ESR2: variants seen among roughly 807,000 people sequenced by gnomAD.
The protein encoded by ESR2 is estrogen receptor 2, also known as estrogen receptor beta.
A neutral mutation model predicts 49.6 loss-of-function variants in ESR2; 36 were observed. That is an observed-to-expected ratio of 0.73 (90% CI 0.56 to 0.96). The LOEUF is 0.96. Ranked by LOEUF, ESR2 falls within the 40% of genes least tolerant of loss-of-function variation. The pLI, the probability that ESR2 is intolerant of heterozygous loss-of-function variation, is 0.00. For missense variants in ESR2, 714 were observed against 693.0 expected, an observed-to-expected ratio of 1.03 and a Z score of -0.34; for synonymous variants, 320 against 266.1, an observed-to-expected ratio of 1.20 and a Z score of -1.97.
chr14:64,297,013 G>A (rs1252389972), upstream of ESR2, among the ~76,000 whole-genome samples: 1 of 152,128 alleles, frequency 6.6e-6, no homozygotes, highest in Non-Finnish European at 1.5e-5. Context: ...CCAATGGCTA[G>A]ACCAAAAAGC....
At chr14:64,312,820 A>G (rs2077200910) in intron 1 of ESR2, among the ~76,000 whole-genome samples, 5 of 151,878 alleles carry the variant, frequency 3.3e-5, no homozygotes, top group Admixed American at 2.6e-4. Flanking sequence ...AAGGCAGGAG[A>G]ATCACTTGAA....
intron 1 of ESR2, among the ~76,000 whole-genome samples, chr14:64,321,442 G>A (rs2077323229): frequency 6.6e-6 from 1 of 152,064 alleles, no homozygotes; most frequent in South Asian, 2.1e-4. Flanking sequence ...TTTATGGCAT[G>A]TAAATATCCC....
At chr14:64,287,896 T>C (rs928381667) in intron 1 of ESR2, among the ~76,000 whole-genome samples, 5 of 152,196 alleles carry the variant, frequency 3.3e-5, no homozygotes, top group Non-Finnish European at 7.3e-5. Flanking sequence ...AATGTTCTGG[T>C]ACAACAGGAA....
intron 7 of ESR2, among the ~76,000 whole-genome samples, chr14:64,247,100 G>A (rs925531879): frequency 4.6e-5 from 7 of 152,072 alleles, no homozygotes; most frequent in Non-Finnish European, 7.4e-5. Context: ...GCTAATGTAT[G>A]GTCTGTTGCC....
upstream of ESR2, among the ~76,000 whole-genome samples, chr14:64,297,970 A>C (rs1377434965): frequency 6.6e-6 from 1 of 152,204 alleles, no homozygotes; most frequent in African/African-American, 2.4e-5. Context: ...AAAACCCTAC[A>C]CTTATGGAAT....
chr14:64,294,099 G>A lies in ESR2; in HGVS notation c.-157C>T, dbSNP rs1040865369. ...GACACGTGCTTTTCCCGCATTAGGG[G>A]GGGTCTCCCGGCGCGCGCCCCGCCG... On this transcript the variant is annotated 5_prime_UTR_variant, in exon 1 of 9. Transcript: ENST00000341099. 6.6e-6 allele frequency: 1 copy of A among 152,352 alleles called. No individual in the cohort carries two copies. Among genetic ancestry groups the A allele is most frequent in the African/African-American group, 2.4e-5 (1 of 41,470 alleles). The allele number at this position is 152,352 out of a possible 1,614,324, so 9.4% of individuals were successfully genotyped here. A position where few individuals can be genotyped will look rare whatever the true frequency, so the allele number is the denominator to read the frequency against.
intron 8 of ESR2, chr14:64,233,687 C>G: frequency 4.5e-6 from 1 of 220,990 alleles, no homozygotes; most frequent in Non-Finnish European, 9.1e-6. Context: ...TCTTCATCAG[C>G]TGATCAATAC....
At chr14:64,260,283 G>C in intron 5 of ESR2, 166 bp downstream of exon 5, 2 of 803,284 alleles carry the variant, frequency 2.5e-6, no homozygotes, top group Middle Eastern at 2.2e-4. Context: ...GGTATGCCAA[G>C]ACAGAAGGAA....
chr14:64,260,521 T>A lies in ESR2; in HGVS notation c.880A>T (p.Met294Leu). The change falls in exon 5 of 9, where the codon ATG (methionine) becomes TTG (leucine). Residue 294 changes from methionine (M) to leucine (L), a missense_variant. Physicochemically the swap from Met to Leu is conservative, Grantham distance 15. Coordinates refer to ENST00000341099, the MANE Select transcript of ESR2 (RefSeq NM_001437.3). Reference sequence around the variant, plus strand: ...GCCAACTTGGTCAGGGACATCATCATGGAGGCCTCGGTGAAGGGCGCACTG... The same window carrying A: ...GCCAACTTGGTCAGGGACATCATCAAGGAGGCCTCGGTGAAGGGCGCACTG... Reference protein sequence around the residue: ...RPSAPFTEASMMMSLTKLADK... With the variant: ...RPSAPFTEASLMMSLTKLADK... The A allele has an allele frequency of 6.4e-7, 1 of 1,556,144 alleles. No homozygotes were observed. Among genetic ancestry groups the A allele is most frequent in the Non-Finnish European group, 8.7e-7 (1 of 1,150,938 alleles).
At chr14:64,288,281 CAAT>C (rs1262245860) in intron 1 of ESR2, among the ~76,000 whole-genome samples, 1 of 149,624 alleles carries the variant, frequency 6.7e-6, no homozygotes, top group Non-Finnish European at 1.5e-5. Context: ...CCAATTTTGA[CAAT>C]GATTCATGGA....
chr14:64,231,110 A>C lies in ESR2; in HGVS notation c.*2027T>G, dbSNP rs1152576. On this transcript the variant is annotated 3_prime_UTR_variant, in exon 9 of 9. Coordinates refer to ENST00000341099, the MANE Select transcript of ESR2 (RefSeq NM_001437.3). ...TGTTGCCCAGCCTGGAGTCAAACTCATGGGCTCAAGTGGTTCGCCCACCTC... is the reference window on the plus strand; with the variant it reads ...TGTTGCCCAGCCTGGAGTCAAACTCCTGGGCTCAAGTGGTTCGCCCACCTC... The C allele has an allele frequency of 0.27, 41,169 of 151,748 alleles. 9,222 individuals carry two copies. Among genetic ancestry groups the C allele is most frequent in the African/African-American group, 0.59 (24,538 of 41,314 alleles). The allele number at this position is 151,748 out of a possible 1,614,324, so 9.4% of individuals were successfully genotyped here.
chr14:64,257,275 T>G lies in ESR2; in HGVS notation c.1042A>C (p.Ile348Leu). The G allele has an allele frequency of 1.2e-6, 2 of 1,614,162 alleles. No homozygotes were observed. The highest frequency in any genetic ancestry group is 1.7e-6 in the Non-Finnish European group (2 of 1,180,022). The change falls in exon 6 of 9, where the codon ATT becomes CTT. Residue 348 changes from isoleucine to leucine, a missense_variant. Physicochemically the swap from Ile to Leu is conservative, Grantham distance 5. Transcript: ENST00000341099. ...VLMMGLMWRS[I>L]DHPGKLIFAP... Reference sequence around the variant, plus strand: ...AAGATGAGCTTGCCGGGGTGGTCAATTGAGCGCCACATCAGCCCCATCATT... The same window carrying G: ...AAGATGAGCTTGCCGGGGTGGTCAAGTGAGCGCCACATCAGCCCCATCATT...
intron 1 of ESR2, among the ~76,000 whole-genome samples, chr14:64,328,221 C>G (rs546384728): frequency 6.6e-6 from 1 of 151,882 alleles, no homozygotes; most frequent in African/African-American, 2.4e-5. Context: ...GACTTCGTCT[C>G]AAAAAAATAA....
At chr14:64,327,553 G>A (rs758567162) in intron 1 of ESR2, among the ~76,000 whole-genome samples, 69 of 151,808 alleles carry the variant, frequency 4.5e-4, no homozygotes, top group Non-Finnish European at 5.6e-4. Context: ...AAAATTAGCC[G>A]GGTGTGGTGA....
chr14:64,292,096 C>A (rs1187671729), intron 1 of ESR2, among the ~76,000 whole-genome samples: 2 of 152,110 alleles, frequency 1.3e-5, no homozygotes, highest in Non-Finnish European at 2.9e-5. Context: ...ATGAATTTAA[C>A]ACTTAGTCCA....
chr14:64,248,347 A>C (rs928392958), intron 7 of ESR2, among the ~76,000 whole-genome samples: 2 of 151,964 alleles, frequency 1.3e-5, no homozygotes, highest in Admixed American at 6.6e-5. Context: ...TCTACAAAAA[A>C]AAATTGTTTT....
rs781199121 is a variant in ESR2 at position 64,282,806 on chromosome 14, G to C, written c.180C>G (p.Ser60Arg). 2 of 1,614,096 alleles carry C rather than the reference G, an allele frequency of 1.2e-6. No individual in the cohort carries two copies. The highest frequency in any genetic ancestry group is 3.3e-5 in the Admixed American group (2 of 60,010). Residue 60 changes from serine (S) to arginine (R), a missense_variant, in exon 2 of 9, where the codon AGC becomes AGG. Transcript: ENST00000341099. The stretch of plus-strand genomic sequence containing the variant: ...GCCCACCTTCCAAGTTAGTGACATT[G>C]CTGGGAATGCTGTAATTCATCACAG... Reference protein sequence around the residue: ...SPAVMNYSIPSNVTNLEGGPG... With the variant: ...SPAVMNYSIPRNVTNLEGGPG...
chr14:64,315,285 C>T (rs992256433), intron 1 of ESR2, among the ~76,000 whole-genome samples: 4 of 149,112 alleles, frequency 2.7e-5, no homozygotes, highest in African/African-American at 9.9e-5. Flanking sequence ...AGAGAAGACG[C>T]TAGTTACCAG....
At chr14:64,268,731 G>C in intron 4 of ESR2, 64 bp downstream of exon 4, 1 of 918,064 alleles carries the variant, frequency 1.1e-6, no homozygotes, top group Non-Finnish European at 1.8e-6. Flanking sequence ...CCTGTCCCCA[G>C]TTCCTCAGAG....
Sources: allele counts gnomAD v4.1 joint callset (sites outside exome capture counted in the v4.1 genomes callset), GRCh38; gene constraint gnomAD v4.1.1; transcripts MANE v1.5; gene names NCBI Gene and HGNC (gene_info 2026-07-23, HGNC 2026-07-21).